MARF1: variants seen among roughly 807,000 people sequenced by gnomAD.
MARF1 encodes the protein limkain-b1.
In MARF1, 24 loss-of-function variants were observed where a neutral mutation model predicts 168.2. That is an observed-to-expected ratio of 0.14 (90% confidence interval 0.10 to 0.20). The LOEUF (loss-of-function observed/expected upper bound fraction) is 0.20, where lower values mean the gene tolerates loss of function less well. Among genes scored for constraint, MARF1 ranks in the 10% least tolerant of loss-of-function variants. MARF1 has a pLI of 1.00. For synonymous variants in MARF1, 868 were observed against 822.4 expected, an observed-to-expected ratio of 1.06 and a Z score of -0.95; for missense variants, 1,744 against 2,143.6, an observed-to-expected ratio of 0.81 and a Z score of 3.68.
chr16:15,622,077 T>G (rs1020273152), intron 11 of MARF1, among the ~76,000 whole-genome samples, 166 bp from the exon 12 acceptor site: 3 of 152,146 alleles, frequency 2.0e-5, no homozygotes, highest in African/African-American at 7.2e-5. Context: ...AAAGTGAGGA[T>G]AGGGTGACCT....
intron 5 of MARF1, among the ~76,000 whole-genome samples, chr16:15,633,174 AC>A (rs367815540): frequency 8.5e-6 from 1 of 118,146 alleles, no homozygotes; most frequent in African/African-American, 3.3e-5. Context: ...AAAAAAAAAC[AC>A]CACACACACA....
In MARF1 at chr16:15,596,499, GGAA is replaced by G. The variant is rs1439091012; in HGVS notation, c.*191_*193del. ...AAATAATTGAAAAAAGAAAGAAAAA[GGAA>G]GAAGAAAAGAAAGACTTCAGCTCAA... On this transcript the variant is annotated 3_prime_UTR_variant, in exon 27 of 27. Transcript: ENST00000396368. 2 of 442,170 alleles carry G rather than the reference GGAA, an allele frequency of 4.5e-6. No homozygotes were observed. The highest frequency in any genetic ancestry group is 2.0e-5 in the African/African-American group (1 of 49,222). 27.4% of individuals were successfully genotyped at this position (442,170 alleles called of 1,614,324 possible). A position where few individuals can be genotyped will look rare whatever the true frequency, so the allele number is the denominator to read the frequency against.
In MARF1 at chr16:15,604,121, A is replaced by G. The variant is rs765744884; in HGVS notation, c.4413+47T>C. On this transcript the variant is annotated intron_variant, in intron 22 of 26. Transcript: ENST00000396368. ...CCATCAGGTAATCCGGAAATGCCCA[A>G]TCGATAGTTTTCAATGATAGTTCTA... The G allele has an allele frequency of 7.1e-6, 10 of 1,405,204 alleles. No homozygotes were observed. In the East Asian group the frequency reaches 1.8e-4, roughly 26 times the overall value. The allele number at this position is 1,405,204 out of a possible 1,614,324, so 87.0% of individuals were successfully genotyped here. A position where few individuals can be genotyped will look rare whatever the true frequency, so the allele number is the denominator to read the frequency against.
chr16:15,635,168 T>C, intron 3 of MARF1: 1 of 480,608 alleles, frequency 2.1e-6, no homozygotes, highest in Non-Finnish European at 3.7e-6. Flanking sequence ...GATCTTTACA[T>C]TCTGGGGCAT....
chr16:15,594,576 A>C lies in MARF1; in HGVS notation c.*2117T>G, dbSNP rs1412148884. On this transcript the variant is annotated 3_prime_UTR_variant, in exon 27 of 27. Transcript: ENST00000396368. Reference sequence around the variant, plus strand: ...TGGTGATAACTTTTGTCATTTTTTTAAACAGATAAATTTAATCCGGTATAT... The same window carrying C: ...TGGTGATAACTTTTGTCATTTTTTTCAACAGATAAATTTAATCCGGTATAT... 6.6e-6 allele frequency: 1 copy of C among 152,636 alleles called. No individual in the cohort carries two copies. The highest frequency in any genetic ancestry group is 6.5e-5 in the Admixed American group (1 of 15,280). 9.5% of individuals were successfully genotyped at this position (152,636 alleles called of 1,614,324 possible).
At chr16:15,615,091 T>C (rs1220960032) in intron 16 of MARF1, among the ~76,000 whole-genome samples, 2 of 152,122 alleles carry the variant, frequency 1.3e-5, no homozygotes, top group Non-Finnish European at 2.9e-5. Context: ...CCTGAAACTA[T>C]TTTTAAAAGG....
At chr16:15,612,480 GTTTC>G (rs1481291954) in intron 17 of MARF1, 73 bp downstream of exon 17, 72 of 1,282,332 alleles carry the variant, frequency 5.6e-5, no homozygotes, top group Admixed American at 3.7e-4. Context: ...GAATTAAACT[GTTTC>G]TTTGATGGAG....
In MARF1 at chr16:15,632,648, G is replaced by A. The variant is rs140757411; in HGVS notation, c.1233+969C>T. 1.0e-3 allele frequency among the ~76,000 whole-genome samples: 156 copies of A among 152,314 alleles called. 1 individual carries two copies. The highest frequency in any genetic ancestry group is 1.2e-3 in the South Asian group (6 of 4,824). On this transcript the variant is annotated intron_variant, in intron 5 of 26. Coordinates refer to ENST00000396368, the MANE Select transcript of MARF1 (RefSeq NM_014647.4). ...CAGGCTCGCATATAAGTCCCCAAAG[G>A]AAGGAAAGGTTTATTTTGAGAAAGT... is the stretch of plus-strand genomic sequence containing the variant.
chr16:15,635,540 C>T (rs2035533847), intron 3 of MARF1, 116 bp downstream of exon 3: 3 of 934,954 alleles, frequency 3.2e-6, no homozygotes, highest in Non-Finnish European at 4.8e-6. Flanking sequence ...GGAGATTCCC[C>T]TATACCATGG....
chr16:15,614,136 A>T (rs2033831126), intron 16 of MARF1, among the ~76,000 whole-genome samples: 1 of 152,114 alleles, frequency 6.6e-6, no homozygotes, highest in South Asian at 2.1e-4. Flanking sequence ...TCGAAGGTAA[A>T]TCTGCATTAA....
chr16:15,616,745 G>A (rs1448517508), intron 15 of MARF1: 7 of 265,668 alleles, frequency 2.6e-5, no homozygotes, highest in Non-Finnish European at 4.3e-5. Flanking sequence ...CTACACATCT[G>A]GACAGCCTGT....
In MARF1 at chr16:15,602,023, T is replaced by C; in HGVS notation, c.4594A>G (p.Ser1532Gly). ...TLQPKTYGHS[S>G]VEELLGAIPQ... ...ATTGCTCCCAAGAGCTCCTCCACGCTGCTGTGGCCGTAGGTCTTGGGCTGC... is the reference window on the plus strand; with the variant it reads ...ATTGCTCCCAAGAGCTCCTCCACGCCGCTGTGGCCGTAGGTCTTGGGCTGC... The change falls in exon 23 of 27, where the codon AGC becomes GGC. Residue 1532 changes from serine (S) to glycine (G), a missense_variant. Physicochemically the swap from Ser to Gly is moderately conservative, Grantham distance 56. Around this residue, in one of 7 missense-constraint regions of MARF1, gnomAD observed 313 missense variants for 337.4 expected, o/e 0.93. Transcript: ENST00000396368. 1 of 1,614,100 alleles carries C rather than the reference T, an allele frequency of 6.2e-7. No individual in the cohort carries two copies. Among genetic ancestry groups the C allele is most frequent in the South Asian group, 1.1e-5 (1 of 91,084 alleles).
rs374518764 is a variant in MARF1 at position 15,631,479 on chromosome 16, T to C, written c.1253A>G (p.Asn418Ser). Residue 418 changes from asparagine (N) to serine (S), a missense_variant, in exon 6 of 27, where the codon AAT becomes AGT. By Grantham distance (46) the Asn-to-Ser change is conservative (BLOSUM62 1). Coordinates refer to ENST00000396368, the MANE Select transcript of MARF1 (RefSeq NM_014647.4). Reference sequence around the variant, plus strand: ...ATCAGCGGCATTCTTTGCAGTAGCATTGATGTGGGCAACGGTTACCTGCAT... The same window carrying C: ...ATCAGCGGCATTCTTTGCAGTAGCACTGATGTGGGCAACGGTTACCTGCAT... The part of the protein sequence containing the change: ...NNCQVTVAHI[N>S]ATAKNAADDK... The C allele has an allele frequency of 1.7e-5, 28 of 1,612,596 alleles. No homozygotes were observed. Among genetic ancestry groups the C allele is most frequent in the African/African-American group, 4.0e-5 (3 of 74,900 alleles).
chr16:15,598,512 T>C (rs1170627704), intron 26 of MARF1, among the ~76,000 whole-genome samples: 2 of 152,132 alleles, frequency 1.3e-5, no homozygotes, highest in East Asian at 3.9e-4. Flanking sequence ...CGTGTACATC[T>C]GGTGACAGGT....
rs2031504753 is a variant in MARF1 at position 15,594,614 on chromosome 16, A to C, written c.*2079T>G. The C allele has an allele frequency of 1.3e-5, 2 of 152,620 alleles. No homozygotes were observed. The highest frequency in any genetic ancestry group is 4.8e-5 in the African/African-American group (2 of 41,434). 9.5% of individuals were successfully genotyped at this position (152,620 alleles called of 1,614,324 possible). A position where few individuals can be genotyped will look rare whatever the true frequency, so the allele number is the denominator to read the frequency against. ...TAATCCGGTATATCTTTCCACCCAG[A>C]AATAAAGAATTACATTGTCTTAATG... On this transcript the variant is annotated 3_prime_UTR_variant, in exon 27 of 27. Transcript: ENST00000396368.
intron 23 of MARF1, chr16:15,601,011 T>C (rs1567527833): frequency 1.6e-6 from 1 of 618,228 alleles, no homozygotes; most frequent in Admixed American, 2.1e-5. Flanking sequence ...AGTTCTCACA[T>C]GAGAGCTCTT....
In MARF1 at chr16:15,621,715, AGCTT is replaced by A. The variant is rs1297121164; in HGVS notation, c.2639+14_2639+17del. On this transcript the variant is annotated intron_variant, in intron 12 of 26. Coordinates refer to ENST00000396368, the MANE Select transcript of MARF1 (RefSeq NM_014647.4). ...TCAAATGTTATTTCCTGAAATAAACAGCTTGCTTGTTTCTTACCTCAGTAAAGAG... is the reference window on the plus strand; with the variant it reads ...TCAAATGTTATTTCCTGAAATAAACAGCTTGTTTCTTACCTCAGTAAAGAG... 2.1e-5 allele frequency: 33 copies of A among 1,599,234 alleles called. No homozygotes were observed. The highest frequency in any genetic ancestry group is 2.4e-5 in the Non-Finnish European group (28 of 1,174,260).
In MARF1 at chr16:15,625,178, A is replaced by T; in HGVS notation, c.1954-5T>A. ...TGACTCCATGCGGCACAGCTCCTTC[A>T]AAGACACAAGCACAGTGGGGTTTAA... On this transcript the variant is annotated splice_polypyrimidine_tract_variant and splice_region_variant and intron_variant, in intron 8 of 26. Transcript: ENST00000396368. The T allele has an allele frequency of 6.2e-7, 1 of 1,613,676 alleles. No individual in the cohort carries two copies. Among genetic ancestry groups the T allele is most frequent in the East Asian group, 2.2e-5 (1 of 44,872 alleles).
intron 15 of MARF1, 60 bp downstream of exon 15, chr16:15,616,992 G>A (rs574077250): frequency 1.3e-6 from 2 of 1,568,932 alleles, no homozygotes; most frequent in South Asian, 2.4e-5. Flanking sequence ...AGAAAGGGCA[G>A]GCTTCCTATA....
Sources: allele counts gnomAD v4.1 joint callset (sites outside exome capture counted in the v4.1 genomes callset), GRCh38; gene constraint gnomAD v4.1.1; regional missense constraint gnomAD v4.1.1; transcripts MANE v1.5; gene names NCBI Gene and HGNC (gene_info 2026-07-23, HGNC 2026-07-21).